The following CHL1 variants were observed in gnomAD, a reference collection of about 807,000 sequenced individuals.
CHL1 encodes the protein neural cell adhesion molecule L1-like protein.
Under a neutral mutation model 141.9 loss-of-function variants are expected in CHL1, and 96 were observed. That is an observed-to-expected ratio of 0.68 (90% CI 0.57 to 0.80). The LOEUF (loss-of-function observed/expected upper bound fraction) is 0.80, where lower values mean the gene tolerates loss of function less well. Among genes scored for constraint, CHL1 ranks in the 30% least tolerant of loss-of-function variants. The pLI is 0.00. For missense variants in CHL1, 1,820 were observed against 1,457.2 expected, an observed-to-expected ratio of 1.25 and a Z score of -4.05; for synonymous variants, 613 against 502.2, an observed-to-expected ratio of 1.22 and a Z score of -2.95.
chr3:301,123 G>A (rs951357451), intron 2 of CHL1, among the ~76,000 whole-genome samples: 7 of 152,098 alleles, frequency 4.6e-5, no homozygotes, highest in Admixed American at 1.3e-4. Context: ...CTTTACATGA[G>A]CAATACAGAT....
At chr3:252,107 T>A (rs1453941628) in intron 2 of CHL1, among the ~76,000 whole-genome samples, 3 of 151,952 alleles carry the variant, frequency 2.0e-5, no homozygotes, top group African/African-American at 7.2e-5. Flanking sequence ...AAATATAGAA[T>A]AATCTTTTGA....
chr3:292,728 G>A (rs1314295962), intron 2 of CHL1, among the ~76,000 whole-genome samples: 7 of 152,186 alleles, frequency 4.6e-5, no homozygotes, highest in African/African-American at 1.7e-4. Context: ...TTTTACTCAT[G>A]GTGGAAGGTG....
chr3:268,761 T>C (rs185866655), intron 2 of CHL1, among the ~76,000 whole-genome samples: 105 of 152,252 alleles, frequency 6.9e-4, no homozygotes, highest in African/African-American at 2.3e-3. Flanking sequence ...AAACAATTAA[T>C]AAAGAATCTT....
intron 15 of CHL1, among the ~76,000 whole-genome samples, chr3:369,997 T>G (rs1266360319): frequency 6.6e-6 from 1 of 152,254 alleles, no homozygotes; most frequent in East Asian, 1.9e-4. Flanking sequence ...GGATTTGGTC[T>G]GCCAGTATTT....
intron 2 of CHL1, among the ~76,000 whole-genome samples, chr3:285,204 C>T (rs936394164): frequency 4.6e-5 from 7 of 152,222 alleles, no homozygotes; most frequent in Non-Finnish European, 8.8e-5. Flanking sequence ...GCAAGTCAAA[C>T]ATCTTGATGA....
intron 3 of CHL1, among the ~76,000 whole-genome samples, chr3:324,575 C>T (rs1205374704): frequency 1.3e-5 from 2 of 151,738 alleles, no homozygotes; most frequent in African/African-American, 2.4e-5. Context: ...TCTCGCTGCT[C>T]TACTAGGTGA....
rs1394998550 is a variant in CHL1, at chr3:314,341, A to G, written c.-94-5342A>G. 1.4e-3 allele frequency among the ~76,000 whole-genome samples: 86 copies of G among 60,716 alleles called. 3 individuals carry two copies. The highest frequency in any genetic ancestry group is 7.5e-3 in the African/African-American group (83 of 11,044). 39.8% of individuals were successfully genotyped at this position (60,716 alleles called of 152,430 possible). ...TCTCTCTCTATGTGTATATATATAT[A>G]TATATATATATATATATATATATAT... is the stretch of plus-strand genomic sequence containing the variant. On this transcript the variant is annotated intron_variant, in intron 2 of 27. Coordinates refer to ENST00000256509, the MANE Select transcript of CHL1 (RefSeq NM_006614.4).
chr3:367,535 G>A lies in CHL1; in HGVS notation c.1751+1420G>A, dbSNP rs1575182024. ...TTCATTATAGGGTTAACAATACCAA[G>A]TACTTAGAAAACATTAACATACAGA... On this transcript the variant is annotated intron_variant, in intron 15 of 27. Coordinates refer to ENST00000256509, the MANE Select transcript of CHL1 (RefSeq NM_006614.4). Among the ~76,000 whole-genome samples, 4 of 152,318 alleles carry A rather than the reference G, an allele frequency of 2.6e-5. No individual in the cohort carries two copies. In the East Asian group the frequency reaches 7.7e-4, roughly 29 times the overall value.
chr3:296,183 G>A (rs962555130), intron 2 of CHL1, among the ~76,000 whole-genome samples: 9 of 152,116 alleles, frequency 5.9e-5, no homozygotes, highest in Non-Finnish European at 2.9e-5. Context: ...GCACTTAGTA[G>A]ATACTTGCCT....
intron 9 of CHL1, among the ~76,000 whole-genome samples, chr3:348,056 T>C (rs1286020002): frequency 6.6e-6 from 1 of 152,164 alleles, no homozygotes; most frequent in Non-Finnish European, 1.5e-5. Flanking sequence ...TTTCAAGGAA[T>C]TGCTCAATTA....
At chr3:268,721 A>G (rs958941835) in intron 2 of CHL1, among the ~76,000 whole-genome samples, 4 of 152,194 alleles carry the variant, frequency 2.6e-5, no homozygotes, top group Non-Finnish European at 4.4e-5. Context: ...TGAGGCAGCT[A>G]TACATCTTAT....
chr3:343,818 T>C (rs1372830648), intron 8 of CHL1, among the ~76,000 whole-genome samples: 4 of 152,286 alleles, frequency 2.6e-5, no homozygotes, highest in African/African-American at 9.6e-5. Context: ...AACTCACACA[T>C]ATATAGTGCT....
At chr3:225,791 C>T (rs544282643) in intron 1 of CHL1, among the ~76,000 whole-genome samples, 10 of 152,148 alleles carry the variant, frequency 6.6e-5, no homozygotes, top group South Asian at 4.1e-4. Flanking sequence ...GGGCAGATCA[C>T]GAGGTCAGGA....
chr3:239,624 C>G (rs1692360828), intron 1 of CHL1, among the ~76,000 whole-genome samples: 1 of 144,732 alleles, frequency 6.9e-6, no homozygotes, highest in Non-Finnish European at 1.5e-5. Flanking sequence ...ATTATTTTTT[C>G]ATAGGCTTTT....
At chr3:204,004 T>G (rs936023344) in intron 1 of CHL1, among the ~76,000 whole-genome samples, 4 of 152,270 alleles carry the variant, frequency 2.6e-5, no homozygotes, top group African/African-American at 4.8e-5. Context: ...TAAGTTTGTA[T>G]TCAGGAGAAT....
chr3:360,740 C>G (rs531479951), intron 12 of CHL1, among the ~76,000 whole-genome samples: 1 of 125,522 alleles, frequency 8.0e-6, no homozygotes, highest in African/African-American at 3.3e-5. Flanking sequence ...TCCCGCCCCC[C>G]CTCCCCCCAC....
intron 11 of CHL1, among the ~76,000 whole-genome samples, chr3:359,674 A>G (rs1704033533): frequency 6.6e-6 from 1 of 152,154 alleles, no homozygotes; most frequent in Non-Finnish European, 1.5e-5. Context: ...GGAAGGTTTT[A>G]TTGCCCCAAA....
intron 2 of CHL1, among the ~76,000 whole-genome samples, chr3:318,491 C>A (rs1017353853): frequency 6.6e-6 from 1 of 151,424 alleles, no homozygotes; most frequent in African/African-American, 2.4e-5. Flanking sequence ...ACATGATAGA[C>A]AATGTATAAA....
At chr3:275,589 T>C (rs536448193) in intron 2 of CHL1, among the ~76,000 whole-genome samples, 20 of 152,336 alleles carry the variant, frequency 1.3e-4, no homozygotes, top group African/African-American at 4.6e-4. Flanking sequence ...CAGAGAAAGC[T>C]AGCAGATGGT....
Sources: gnomAD v4.1 joint callset for allele counts (sites outside exome capture counted in the v4.1 genomes callset) on GRCh38, gnomAD v4.1.1 for gene constraint, MANE v1.5 for transcripts, NCBI Gene and HGNC (gene_info 2026-07-23, HGNC 2026-07-21) for gene names.